ATXN1: variants seen among roughly 807,000 people sequenced by gnomAD.
The protein encoded by ATXN1 is ataxin-1.
A neutral mutation model predicts 56.4 loss-of-function variants in ATXN1; 8 were observed. The ratio of observed to expected loss-of-function variants is 0.14; its 90% CI spans 0.08 to 0.26. The LOEUF (loss-of-function observed/expected upper bound fraction) is 0.26, where lower values mean the gene tolerates loss of function less well. Ranked by LOEUF, ATXN1 falls within the 10% of genes least tolerant of loss-of-function variation. The pLI, the probability that ATXN1 is intolerant of heterozygous loss-of-function variation, is 1.00. For missense variants in ATXN1, 987 were observed against 1,106.5 expected (o/e 0.89, Z 1.53); for synonymous variants, 514 against 494.6 (o/e 1.04, Z -0.52).
At chr6:16,461,748 AG>A (rs997203902) in intron 6 of ATXN1, among the ~76,000 whole-genome samples, 1 of 152,216 alleles carries the variant, frequency 6.6e-6, no homozygotes, top group African/African-American at 2.4e-5. Flanking sequence ...ACGGTAACTC[AG>A]GGAATTTCCA....
At chr6:16,350,039 G>A (rs1329706904) in intron 6 of ATXN1, among the ~76,000 whole-genome samples, 1 of 152,100 alleles carries the variant, frequency 6.6e-6, no homozygotes, top group Non-Finnish European at 1.5e-5. Context: ...TATGACTAAC[G>A]ATTTAATTTA....
chr6:16,623,614 T>G (rs1763357064), intron 3 of ATXN1, among the ~76,000 whole-genome samples: 1 of 152,224 alleles, frequency 6.6e-6, no homozygotes, highest in South Asian at 2.1e-4. Context: ...AAAGCAAACA[T>G]GCTTACAAAA....
intron 6 of ATXN1, among the ~76,000 whole-genome samples, chr6:16,382,566 G>C (rs936072767): frequency 1.3e-5 from 2 of 152,148 alleles, no homozygotes. Flanking sequence ...GGTGGGGTGA[G>C]AGAACAGGAA....
intron 6 of ATXN1, among the ~76,000 whole-genome samples, chr6:16,463,273 C>A (rs1189903884): frequency 6.6e-6 from 1 of 152,190 alleles, no homozygotes; most frequent in Non-Finnish European, 1.5e-5. Context: ...CATCTGCCTC[C>A]CCACTAACTG....
chr6:16,516,145 G>A (rs1043004565), intron 5 of ATXN1, among the ~76,000 whole-genome samples: 3 of 152,236 alleles, frequency 2.0e-5, no homozygotes, highest in Non-Finnish European at 4.4e-5. Context: ...GCTAATTAAT[G>A]TTAACTATGT....
intron 5 of ATXN1, among the ~76,000 whole-genome samples, chr6:16,521,790 T>C (rs1029372279): frequency 6.6e-6 from 1 of 152,176 alleles, no homozygotes; most frequent in Non-Finnish European, 1.5e-5. Flanking sequence ...CAACGTGGCA[T>C]TGCAGATGCA....
chr6:16,618,976 A>G (rs115021474), intron 3 of ATXN1, among the ~76,000 whole-genome samples: 1,529 of 152,262 alleles, frequency 0.01, 13 homozygotes, highest in Middle Eastern at 0.037. Context: ...AAAATAAGCA[A>G]TGAACACGAA....
At chr6:16,645,090 T>A (rs1763778498) in intron 3 of ATXN1, among the ~76,000 whole-genome samples, 1 of 152,212 alleles carries the variant, frequency 6.6e-6, no homozygotes, top group South Asian at 2.1e-4. Context: ...AATTCCAGGC[T>A]GTCTTTGGAA....
chr6:16,560,431 A>G (rs1335164718), intron 4 of ATXN1, among the ~76,000 whole-genome samples: 2 of 152,148 alleles, frequency 1.3e-5, no homozygotes. Context: ...CTCCACCTCA[A>G]AAATAAAAAT....
At chr6:16,387,696 GA>G (rs1758270065) in intron 6 of ATXN1, among the ~76,000 whole-genome samples, 1 of 152,132 alleles carries the variant, frequency 6.6e-6, no homozygotes, top group South Asian at 2.1e-4. Flanking sequence ...CAACTTTAAC[GA>G]AACACTCTCT....
chr6:16,592,865 C>T (rs113199968), intron 3 of ATXN1, among the ~76,000 whole-genome samples: 188 of 6,390 alleles, frequency 0.029, 2 homozygotes, highest in East Asian at 0.18. Flanking sequence ...GTGGCTGGTG[C>T]GGGTGGGGGT....
At position 16,326,939 on chromosome 6, in the gene ATXN1, G is replaced by C. The variant is rs1235497991; in HGVS notation, c.1372C>G (p.Gln458Glu). The change falls in exon 7 of 8, where the codon CAA (glutamine) becomes GAA (glutamate). Residue 458 changes from glutamine to glutamate, a missense_variant. This residue lies in a region of ATXN1 where 723 missense variants were observed against 791.7 expected (regional missense o/e 0.91). Transcript: ENST00000436367. This position sits in a 1 kb window ranked among gnomAD's most constrained non-coding sequence, Gnocchi z 6.6. ...CTCAGGTAGCCGATGACAGGGGGTT[G>C]AGTCCCTGCGTAGAAGGCCGTGGCT... Reference protein sequence around the residue: ...LPATAFYAGTQPPVIGYLSGQ... With the variant: ...LPATAFYAGTEPPVIGYLSGQ... 1 of 1,614,026 alleles carries C rather than the reference G, an allele frequency of 6.2e-7. No homozygotes were observed. The highest frequency in any genetic ancestry group is 8.5e-7 in the Non-Finnish European group (1 of 1,180,038).
intron 6 of ATXN1, among the ~76,000 whole-genome samples, chr6:16,347,128 TC>T (rs1241576214): frequency 2.6e-5 from 4 of 152,162 alleles, no homozygotes; most frequent in Admixed American, 2.6e-4. Flanking sequence ...CCCCTGCCCC[TC>T]CGTGGGCTCC....
At chr6:16,322,915 G>A (rs1484868247) in intron 7 of ATXN1, among the ~76,000 whole-genome samples, 3 of 152,194 alleles carry the variant, frequency 2.0e-5, no homozygotes, top group Admixed American at 1.3e-4. Context: ...TTTCTACAGC[G>A]TGAAGCCCTA....
intron 3 of ATXN1, among the ~76,000 whole-genome samples, chr6:16,635,491 C>T (rs1000040935): frequency 3.3e-5 from 5 of 152,162 alleles, no homozygotes; most frequent in African/African-American, 1.2e-4. Context: ...AGGAGCTCTT[C>T]TTACACACTG....
Position 16,306,791 on chromosome 6 carries a change from C to G in ATXN1, c.1986G>C (p.Pro662=). Residue 662 remains proline, a synonymous_variant, in exon 8 of 8, where the codon CCG becomes CCC. Coordinates refer to ENST00000436367, the MANE Select transcript of ATXN1 (RefSeq NM_001128164.2). This position sits in a 1 kb window ranked among gnomAD's most constrained non-coding sequence, Gnocchi z 5.2. ...AATCAAAGAGCTGGCTGGTTCTCTC[C>G]GGACAGCAGGATGACCAGCCCTGTC... ...VFGQGWSSCC[P]ERTSQLFDLP... 2 of 1,613,994 alleles carry G rather than the reference C, an allele frequency of 1.2e-6. No individual in the cohort carries two copies. The highest frequency in any genetic ancestry group is 1.1e-5 in the South Asian group (1 of 91,082).
intron 4 of ATXN1, among the ~76,000 whole-genome samples, chr6:16,535,089 C>A (rs1027668533): frequency 6.6e-6 from 1 of 152,172 alleles, no homozygotes; most frequent in Non-Finnish European, 1.5e-5. Context: ...GTGAGCTAGG[C>A]TCCTCCTGAA....
At chr6:16,396,218 G>T (rs1758456502) in intron 6 of ATXN1, among the ~76,000 whole-genome samples, 1 of 151,764 alleles carries the variant, frequency 6.6e-6, no homozygotes, top group African/African-American at 2.4e-5. Context: ...GTGGGGCTAG[G>T]CTAATGTATG....
chr6:16,480,298 A>G (rs1760412011), intron 6 of ATXN1, among the ~76,000 whole-genome samples: 1 of 152,094 alleles, frequency 6.6e-6, no homozygotes, highest in South Asian at 2.1e-4. Context: ...TCTGGCTCTG[A>G]GCTCTCACAT....
Sources: allele counts gnomAD v4.1 joint callset (sites outside exome capture counted in the v4.1 genomes callset), GRCh38; gene constraint gnomAD v4.1.1; regional missense constraint gnomAD v4.1.1; non-coding constraint Gnocchi (gnomAD v3.1); transcripts MANE v1.5; gene names NCBI Gene and HGNC (gene_info 2026-07-23, HGNC 2026-07-21).